The following ATG2B variants were observed in gnomAD, a reference collection of about 807,000 sequenced individuals.
The protein encoded by ATG2B is autophagy-related protein 2 homolog B.
Under a neutral mutation model 241.3 loss-of-function variants are expected in ATG2B, and 121 were observed. The observed-to-expected ratio is 0.50, with a 90% CI of 0.43 to 0.58. ATG2B has a LOEUF of 0.58. ATG2B is among the 20% of genes least tolerant of loss of function. The pLI is 0.00. For synonymous variants in ATG2B, 858 were observed against 876.6 expected (o/e 0.98, Z 0.37); for missense variants, 2,306 against 2,491.6 (o/e 0.93, Z 1.59).
At chr14:96,332,714 G>T in intron 8 of ATG2B, 59 bp from the exon 9 acceptor site, 1 of 1,392,670 alleles carries the variant, frequency 7.2e-7, no homozygotes, top group Non-Finnish European at 9.6e-7. Flanking sequence ...AGTCTTTTAA[G>T]TAAGTTAATA....
Position 96,303,103 on chromosome 14 carries a change from C to T in ATG2B, c.4995G>A (p.Leu1665=). Residue 1665 remains leucine, a synonymous_variant, in exon 33 of 42, where the codon CTG becomes CTA. Coordinates refer to ENST00000359933, the MANE Select transcript of ATG2B (RefSeq NM_018036.7). Reference sequence around the variant, plus strand: ...TTCGAGGCATTTCTTTACTGCAATACAGGTATAAAAATTTATTCATTTGTG... The same window carrying T: ...TTCGAGGCATTTCTTTACTGCAATATAGGTATAAAAATTTATTCATTTGTG... ...ATSQMNKFLY[L]YCSKEMPRKA... 3 of 1,610,596 alleles carry T rather than the reference C, an allele frequency of 1.9e-6. No individual in the cohort carries two copies. Among genetic ancestry groups the T allele is most frequent in the Non-Finnish European group, 2.5e-6 (3 of 1,178,436 alleles).
chr14:96,357,684 G>GT (rs140990320), intron 1 of ATG2B, among the ~76,000 whole-genome samples: 30,440 of 145,464 alleles, frequency 0.21, 3,727 homozygotes, highest in Non-Finnish European at 0.27. Context: ...TTTTTTCATA[G>GT]TTTTTTTTTT....
intron 2 of ATG2B, 51 bp downstream of exon 2, chr14:96,347,128 C>A: frequency 7.0e-7 from 1 of 1,425,292 alleles, no homozygotes; most frequent in South Asian, 1.7e-5. Flanking sequence ...GTTACTTTCC[C>A]AGTCTCTGAA....
intron 18 of ATG2B, among the ~76,000 whole-genome samples, chr14:96,319,564 TA>T: frequency 6.6e-6 from 1 of 152,250 alleles, no homozygotes; most frequent in East Asian, 1.9e-4. Flanking sequence ...CAGAGTTGGT[TA>T]TAACTCCTGC....
At chr14:96,293,009 CCTT>C (rs1886531105) in intron 36 of ATG2B, 1 of 152,054 alleles carries the variant, frequency 6.6e-6, no homozygotes, top group Non-Finnish European at 1.5e-5. Flanking sequence ...ATTTTTATTG[CCTT>C]TTTTAATTAA....
Position 96,295,434 on chromosome 14 carries a change from T to A in ATG2B, c.5218+48A>T, listed in dbSNP as rs199814776. On this transcript the variant is annotated intron_variant, in intron 35 of 41. Transcript: ENST00000359933. ...CAAAAAAGCCTCATAACAATTAAAATCAATCCAAGTACTTGGTATAGTCTT... is the reference window on the plus strand; with the variant it reads ...CAAAAAAGCCTCATAACAATTAAAAACAATCCAAGTACTTGGTATAGTCTT... 2.7e-5 allele frequency: 35 copies of A among 1,292,184 alleles called. No homozygotes were observed. The East Asian group carries it at 7.5e-4, about 28-fold the overall frequency. 80.0% of individuals were successfully genotyped at this position (1,292,184 alleles called of 1,614,324 possible). A position where few individuals can be genotyped will look rare whatever the true frequency, so the allele number is the denominator to read the frequency against.
chr14:96,332,304 C>T lies in ATG2B; in HGVS notation c.1468+1G>A. 2 of 1,606,816 alleles carry T rather than the reference C, an allele frequency of 1.2e-6. No individual in the cohort carries two copies. Among genetic ancestry groups the T allele is most frequent in the Non-Finnish European group, 1.7e-6 (2 of 1,174,180 alleles). On this transcript the variant is annotated splice_donor_variant, in intron 10 of 41. Transcript: ENST00000359933. LOFTEE classifies it high-confidence loss of function. ...ACAACAAATGTCTTATTTTTACTTA[C>T]ATGTCTTCTGTAAAGGTGTTGGGTG...
rs546898699 is a variant in ATG2B, at chr14:96,294,782, G to A, written c.5426+178C>T. On this transcript the variant is annotated intron_variant, in intron 36 of 41. Coordinates refer to ENST00000359933, the MANE Select transcript of ATG2B (RefSeq NM_018036.7). ...GACGAATTTGGAACCAGGTTACTAT[G>A]TGCAAATAAGGGGGGTGCAATTAGA... is the stretch of plus-strand genomic sequence containing the variant. Among the ~76,000 whole-genome samples, 16 of 152,310 alleles carry A rather than the reference G, an allele frequency of 1.1e-4. No homozygotes were observed. The East Asian group carries it at 3.1e-3, about 29-fold the overall frequency.
intron 1 of ATG2B, among the ~76,000 whole-genome samples, chr14:96,351,200 C>A (rs749977494): frequency 6.6e-6 from 1 of 152,194 alleles, no homozygotes; most frequent in African/African-American, 2.4e-5. Flanking sequence ...GTGTGCCGAG[C>A]CCTGCTGAAT....
intron 21 of ATG2B, 120 bp downstream of exon 21, chr14:96,316,413 A>C (rs1427766226): frequency 1.0e-6 from 1 of 974,700 alleles, no homozygotes; most frequent in Non-Finnish European, 1.5e-6. Context: ...CAGCAGAATG[A>C]GAGCCCTCCA....
At chr14:96,356,636 T>C (rs942716134) in intron 1 of ATG2B, among the ~76,000 whole-genome samples, 2 of 152,178 alleles carry the variant, frequency 1.3e-5, no homozygotes, top group African/African-American at 4.8e-5. Flanking sequence ...AAAATGCAGA[T>C]TCTTGAATTT....
intron 11 of ATG2B, among the ~76,000 whole-genome samples, chr14:96,330,686 C>T (rs1465674302): frequency 6.6e-6 from 1 of 152,196 alleles, no homozygotes; most frequent in African/African-American, 2.4e-5. Flanking sequence ...ATAGCTTGAA[C>T]CTGAGAGGCA....
chr14:96,314,384 A>G (rs1566722197), intron 23 of ATG2B, among the ~76,000 whole-genome samples: 1 of 152,248 alleles, frequency 6.6e-6, no homozygotes, highest in Non-Finnish European at 1.5e-5. Context: ...TACCATAAAA[A>G]GTTGTTGAAC....
intron 1 of ATG2B, among the ~76,000 whole-genome samples, chr14:96,354,005 T>C (rs72704901): frequency 0.2 from 30,679 of 152,202 alleles, 3,864 homozygotes; most frequent in Non-Finnish European, 0.27. Flanking sequence ...AAACAAGTTA[T>C]TCTCTACAAC....
intron 16 of ATG2B, among the ~76,000 whole-genome samples, chr14:96,323,675 G>C (rs376503520): frequency 6.6e-6 from 1 of 152,224 alleles, no homozygotes; most frequent in East Asian, 1.9e-4. Flanking sequence ...AGACAGTGGA[G>C]AGGAGGAGTA....
At chr14:96,317,515 GTGATAA>G (rs1887347458) in intron 19 of ATG2B, among the ~76,000 whole-genome samples, 177 bp downstream of exon 19, 2 of 152,094 alleles carry the variant, frequency 1.3e-5, no homozygotes, top group Non-Finnish European at 2.9e-5. Context: ...ACATATTTAA[GTGATAA>G]TGATATTCTC....
intron 1 of ATG2B, among the ~76,000 whole-genome samples, chr14:96,358,453 A>G (rs1888537087): frequency 6.6e-6 from 1 of 152,176 alleles, no homozygotes; most frequent in Admixed American, 6.5e-5. Flanking sequence ...GAAAAAAAGA[A>G]AAAAACTGAT....
intron 15 of ATG2B, 50 bp from the exon 16 acceptor site, chr14:96,324,048 A>G (rs1887528604): frequency 8.0e-7 from 1 of 1,243,728 alleles, no homozygotes; most frequent in Non-Finnish European, 1.1e-6. Flanking sequence ...CAAGTACTAA[A>G]AGAAGAGATG....
intron 11 of ATG2B, 69 bp from the exon 12 acceptor site, chr14:96,329,703 A>C (rs563325258): frequency 2.0e-6 from 2 of 1,008,178 alleles, no homozygotes; most frequent in Non-Finnish European, 2.9e-6. Context: ...CTAGTCTGAC[A>C]AGTTCAAGTT....
Sources: allele counts gnomAD v4.1 joint callset (sites outside exome capture counted in the v4.1 genomes callset), GRCh38; gene constraint gnomAD v4.1.1; transcripts MANE v1.5; gene names NCBI Gene and HGNC (gene_info 2026-07-23, HGNC 2026-07-21).